The following PI4KA variants were observed in gnomAD, a reference collection of about 807,000 sequenced individuals.
The protein encoded by PI4KA is phosphatidylinositol 4-kinase alpha, also known as PI4-kinase alpha.
In PI4KA, 122 loss-of-function variants were observed where a neutral mutation model predicts 271.4. The ratio of observed to expected loss-of-function variants is 0.45; its 90% CI spans 0.39 to 0.52. The LOEUF is 0.52. Ranked by LOEUF, PI4KA falls within the 20% of genes least tolerant of loss-of-function variation. The pLI is 0.00. For missense variants in PI4KA, 1,969 were observed against 2,769.1 expected, an observed-to-expected ratio of 0.71 and a Z score of 6.48; for synonymous variants, 1,041 against 1,078.8, an observed-to-expected ratio of 0.96 and a Z score of 0.69.
chr22:20,758,091 C>T (rs1294065967), intron 23 of PI4KA, among the ~76,000 whole-genome samples: 2 of 151,942 alleles, frequency 1.3e-5, no homozygotes, highest in South Asian at 2.1e-4. Context: ...CTGGGCCGGG[C>T]GCAGTGGCTC....
At chr22:20,799,427 G>A in intron 15 of PI4KA, 151 bp from the exon 16 acceptor site, 1 of 799,412 alleles carries the variant, frequency 1.3e-6, no homozygotes, top group Admixed American at 3.3e-5. Flanking sequence ...TTTAACCACG[G>A]GCAGAAACAT....
chr22:20,744,503 C>T (rs1232502797), intron 30 of PI4KA, 125 bp downstream of exon 30: 3 of 648,758 alleles, frequency 4.6e-6, no homozygotes, highest in Non-Finnish European at 5.4e-6. Flanking sequence ...TCTTTAAATC[C>T]TCCTAAAATA....
At chr22:20,827,938 G>T (rs1923651009) in intron 3 of PI4KA, among the ~76,000 whole-genome samples, 2 of 151,944 alleles carry the variant, frequency 1.3e-5, no homozygotes, top group Admixed American at 6.6e-5. Context: ...GGGATTACAG[G>T]CGTGCACTAC....
intron 19 of PI4KA, among the ~76,000 whole-genome samples, chr22:20,781,222 C>A (rs1264415967): frequency 6.6e-6 from 1 of 152,190 alleles, no homozygotes; most frequent in Non-Finnish European, 1.5e-5. Flanking sequence ...TTTGTAAAAT[C>A]CAAACCTCTC....
chr22:20,754,979 G>A (rs1931120908), intron 23 of PI4KA, among the ~76,000 whole-genome samples: 1 of 152,192 alleles, frequency 6.6e-6, no homozygotes, highest in Middle Eastern at 3.4e-3. Context: ...TTTAGGGACA[G>A]GGTATCGCTT....
Position 20,732,992 on chromosome 22 carries a change from C to A in PI4KA, c.4267G>T (p.Ala1423Ser). The change falls in exon 36 of 55, where the codon GCC (alanine) becomes TCC (serine). Residue 1423 changes from alanine (A) to serine (S), a missense_variant. Ala to Ser is a moderately conservative substitution (Grantham distance 99). Coordinates refer to ENST00000255882, the MANE Select transcript of PI4KA (RefSeq NM_058004.4). ...TTACCTGGGGGAACAAGCTGGCTGGCGGTCAGGTACTTCTTATCTGAGAAC... is the reference window on the plus strand; with the variant it reads ...TTACCTGGGGGAACAAGCTGGCTGGAGGTCAGGTACTTCTTATCTGAGAAC... ...AMFSDKKYLT[A>S]SQLVPPDNQD... 1.9e-6 allele frequency: 3 copies of A among 1,610,148 alleles called. No individual in the cohort carries two copies. Among genetic ancestry groups the A allele is most frequent in the Non-Finnish European group, 2.5e-6 (3 of 1,178,214 alleles).
chr22:20,807,682 GAGCAGC>G (rs1399607201), intron 9 of PI4KA, among the ~76,000 whole-genome samples: 10 of 152,186 alleles, frequency 6.6e-5, no homozygotes, highest in Admixed American at 5.9e-4. Context: ...GCCTGCGGGG[GAGCAGC>G]CATCTGCACC....
At chr22:20,710,152 G>A (rs777850718) in intron 52 of PI4KA, 155 bp from the exon 53 acceptor site, 18 of 671,534 alleles carry the variant, frequency 2.7e-5, no homozygotes, top group East Asian at 5.4e-5. Flanking sequence ...GGCAACTTTC[G>A]ATCTGCTGCA....
chr22:20,767,701 C>T (rs1932659600), intron 19 of PI4KA, among the ~76,000 whole-genome samples: 1 of 151,608 alleles, frequency 6.6e-6, no homozygotes, highest in Admixed American at 6.6e-5. Context: ...GAGGCACAAC[C>T]TCAGCTCACT....
intron 22 of PI4KA, among the ~76,000 whole-genome samples, chr22:20,763,023 G>GC (rs1279027478): frequency 3.0e-5 from 3 of 99,966 alleles, no homozygotes; most frequent in Admixed American, 1.1e-4. Flanking sequence ...TTTTTGGGGG[G>GC]GGGGGGGGTT....
At chr22:20,779,442 C>T in intron 19 of PI4KA, 1 of 1,614,162 alleles carries the variant, frequency 6.2e-7, no homozygotes, top group South Asian at 1.1e-5. Flanking sequence ...CCAGTGGGAG[C>T]AGTTAAATAA....
chr22:20,729,809 G>C (rs1927798837), intron 37 of PI4KA, 83 bp downstream of exon 37: 1 of 1,590,470 alleles, frequency 6.3e-7, no homozygotes, highest in African/African-American at 1.3e-5. Flanking sequence ...CTGTTCTGCT[G>C]TCTGAGCAAG....
In PI4KA at chr22:20,742,661, T is replaced by G; in HGVS notation, c.3560A>C (p.Gln1187Pro). ...LHSALDRSHP[Q>P]HYTQAMFKLT... ...CTTGAACATGGCCTGCGTGTAGTGC[T>G]GAGGATGACTGCGGTCTAAAGCTGA... The change falls in exon 31 of 55, where the codon CAG becomes CCG. Residue 1187 changes from glutamine to proline, a missense_variant. Gln to Pro is a moderately conservative substitution (Grantham distance 76). Transcript: ENST00000255882. The G allele has an allele frequency of 6.2e-7, 1 of 1,614,202 alleles. No homozygotes were observed. The highest frequency in any genetic ancestry group is 1.1e-5 in the South Asian group (1 of 91,088).
chr22:20,845,727 C>T (rs191807190), intron 1 of PI4KA, among the ~76,000 whole-genome samples: 161 of 152,218 alleles, frequency 1.1e-3, no homozygotes, highest in Non-Finnish European at 1.9e-3. Flanking sequence ...GAGCTGAGCG[C>T]GGTGGGAAGT....
At chr22:20,846,354 G>A (rs1259090345) in intron 1 of PI4KA, among the ~76,000 whole-genome samples, 1 of 150,968 alleles carries the variant, frequency 6.6e-6, no homozygotes, top group Non-Finnish European at 1.5e-5. Flanking sequence ...ACTATTCCAT[G>A]GTTAATTTTA....
chr22:20,736,358 G>C (rs113569556), intron 32 of PI4KA: 10,706 of 151,174 alleles, frequency 0.071, 373 homozygotes, highest in East Asian at 0.08. Context: ...GGAAGAGAGA[G>C]GATGGAAGTC....
rs1479613191 is a variant in PI4KA at position 20,714,692 on chromosome 22, G to A, written c.5326C>T (p.Leu1776=). The part of the protein sequence containing the change: ...SEVKVQPGCY[L]PSNPEAIVLD... ...ACAATGGCCTCAGGGTTGCTGGGCA[G>A]GTAGCAGCCTGTGCAGGGACAGAGG... Residue 1776 remains leucine, a synonymous_variant, in exon 46 of 55, where the codon CTG becomes TTG. Transcript: ENST00000255882. 6.2e-7 allele frequency: 1 copy of A among 1,613,894 alleles called. No homozygotes were observed.
In PI4KA at chr22:20,836,054, AAAAAC is replaced by A. The variant is rs112102593; in HGVS notation, c.274-1404_274-1400del. Among the ~76,000 whole-genome samples, 645 of 149,446 alleles carry A rather than the reference AAAAAC, an allele frequency of 4.3e-3. 1 individual carries two copies. Among genetic ancestry groups the A allele is most frequent in the Non-Finnish European group, 6.4e-3 (434 of 67,520 alleles). ...GCGACAGAGAGAGACTCCATTTCAA[AAAAAC>A]AAAACAAAACAAAACAAAACAAAAC... is the stretch of plus-strand genomic sequence containing the variant. On this transcript the variant is annotated intron_variant, in intron 2 of 54. Transcript: ENST00000255882.
intron 19 of PI4KA, among the ~76,000 whole-genome samples, chr22:20,790,924 G>C (rs945651642): frequency 6.6e-6 from 1 of 152,082 alleles, no homozygotes; most frequent in Non-Finnish European, 1.5e-5. Flanking sequence ...TCTCATGTAA[G>C]AGGTCACATC....
Sources: gnomAD v4.1 joint callset for allele counts (sites outside exome capture counted in the v4.1 genomes callset) on GRCh38, gnomAD v4.1.1 for gene constraint, MANE v1.5 for transcripts, NCBI Gene and HGNC (gene_info 2026-07-23, HGNC 2026-07-21) for gene names.